Variants in ALK observed in about 807,000 individuals in gnomAD.
ALK encodes the protein ALK receptor tyrosine kinase, also known as ALK tyrosine kinase receptor.
ALK carries 74 observed loss-of-function variants against 163.1 expected under a neutral mutation model. The observed-to-expected ratio is 0.45, with a 90% confidence interval of 0.38 to 0.55. The LOEUF is 0.55. ALK is among the 20% of genes least tolerant of loss of function. The probability of loss-of-function intolerance (pLI) is 0.00; values close to 1 mark genes in which losing one functional copy is unlikely to be tolerated. For synonymous variants in ALK, 960 were observed against 843.2 expected, an observed-to-expected ratio of 1.14 and a Z score of -2.40; for missense variants, 2,063 against 2,105.3, an observed-to-expected ratio of 0.98 and a Z score of 0.39.
chr2:29,437,758 T>C (rs1670438363), intron 4 of ALK, among the ~76,000 whole-genome samples: 1 of 152,220 alleles, frequency 6.6e-6, no homozygotes, highest in Non-Finnish European at 1.5e-5. Flanking sequence ...TAACACCCTC[T>C]TACTGAGACA....
chr2:29,287,138 C>A (rs1312906227), intron 9 of ALK, among the ~76,000 whole-genome samples: 1 of 152,094 alleles, frequency 6.6e-6, no homozygotes, highest in African/African-American at 2.4e-5. Flanking sequence ...TTGTGTGCAC[C>A]ATGTATTCTA....
chr2:29,762,831 G>A (rs1414748706), intron 1 of ALK, among the ~76,000 whole-genome samples: 3 of 152,162 alleles, frequency 2.0e-5, no homozygotes, highest in Non-Finnish European at 4.4e-5. Flanking sequence ...GCTCACGACT[G>A]TAATCCCAGC....
In ALK at chr2:29,209,837, G is replaced by C. The variant is rs2148155233; in HGVS notation, c.3785C>G (p.Pro1262Arg). ...ARNCLLTCPG[P>R]GRVAKIGDFG... ...GTCTCCAATCTTGGCCACTCTTCCA[G>C]GGCCTGGACAGGTCAAGAGGCAGTT... Residue 1262 changes from proline to arginine, a missense_variant, in exon 25 of 29, where the codon CCT becomes CGT. Around this residue, in one of 5 missense-constraint regions of ALK, gnomAD observed 83 missense variants for 139.7 expected, o/e 0.59. Coordinates refer to ENST00000389048, the MANE Select transcript of ALK (RefSeq NM_004304.5). The C allele has an allele frequency of 3.1e-6, 5 of 1,614,182 alleles. No homozygotes were observed. The highest frequency in any genetic ancestry group is 4.2e-6 in the Non-Finnish European group (5 of 1,180,036).
At chr2:29,700,334 C>T (rs1006352363) in intron 2 of ALK, among the ~76,000 whole-genome samples, 2 of 152,116 alleles carry the variant, frequency 1.3e-5, no homozygotes, top group East Asian at 3.9e-4. Context: ...CACCTGAGGT[C>T]GGGAGTTGGA....
intron 15 of ALK, among the ~76,000 whole-genome samples, chr2:29,231,190 T>G (rs1471768496): frequency 6.6e-6 from 1 of 151,958 alleles, no homozygotes; most frequent in African/African-American, 2.4e-5. Context: ...ATACAAAAAT[T>G]AGCTGGGCGT....
At chr2:29,588,628 G>A (rs963729001) in intron 3 of ALK, among the ~76,000 whole-genome samples, 4 of 152,120 alleles carry the variant, frequency 2.6e-5, no homozygotes, top group African/African-American at 9.7e-5. Context: ...TTTCTATAAA[G>A]GACCAGATAG....
chr2:29,568,196 C>T (rs1297374217), intron 3 of ALK, among the ~76,000 whole-genome samples: 1 of 152,210 alleles, frequency 6.6e-6, no homozygotes, highest in Non-Finnish European at 1.5e-5. Context: ...TTCTGCCTGG[C>T]TGCGGAGCAC....
chr2:29,717,997 C>T (rs942066090), intron 1 of ALK, among the ~76,000 whole-genome samples: 5 of 152,166 alleles, frequency 3.3e-5, no homozygotes, highest in African/African-American at 1.2e-4. Flanking sequence ...GAGTTCTATC[C>T]AAAGTCTATT....
chr2:29,553,854 T>A (rs1046149764), intron 3 of ALK, among the ~76,000 whole-genome samples: 1 of 152,236 alleles, frequency 6.6e-6, no homozygotes, highest in Non-Finnish European at 1.5e-5. Context: ...GCTTCTCATC[T>A]TTTGTGAATT....
chr2:29,415,246 T>C (rs149680032), intron 4 of ALK, among the ~76,000 whole-genome samples: 84 of 151,890 alleles, frequency 5.5e-4, no homozygotes, highest in African/African-American at 2.0e-3. Flanking sequence ...GTTTTTGCTT[T>C]GTGTTAGCAA....
chr2:29,635,633 T>C (rs1006332453), intron 3 of ALK, among the ~76,000 whole-genome samples: 2 of 152,106 alleles, frequency 1.3e-5, no homozygotes, highest in African/African-American at 2.4e-5. Flanking sequence ...ATTTTATTTT[T>C]TGAGACAGAG....
chr2:29,308,601 G>A (rs1299736522), intron 8 of ALK, among the ~76,000 whole-genome samples: 2 of 152,170 alleles, frequency 1.3e-5, no homozygotes, highest in Non-Finnish European at 2.9e-5. Context: ...TGCTGTGAAC[G>A]GAACGCAAGC....
At chr2:29,329,885 C>G (rs1342684435) in intron 5 of ALK, among the ~76,000 whole-genome samples, 2 of 152,174 alleles carry the variant, frequency 1.3e-5, no homozygotes, top group East Asian at 3.8e-4. Flanking sequence ...AGTGGGAAAA[C>G]TGAGGTCAGA....
At chr2:29,454,406 G>T (rs1291059769) in intron 4 of ALK, among the ~76,000 whole-genome samples, 1 of 152,088 alleles carries the variant, frequency 6.6e-6, no homozygotes, top group South Asian at 2.1e-4. Context: ...TAGGTAAACA[G>T]CTGTGATGCT....
chr2:29,489,880 T>C (rs1370968515), intron 4 of ALK, among the ~76,000 whole-genome samples: 1 of 152,136 alleles, frequency 6.6e-6, no homozygotes, highest in East Asian at 1.9e-4. Context: ...AAGAAGCATG[T>C]CAACAAGAAA....
intron 3 of ALK, among the ~76,000 whole-genome samples, chr2:29,669,356 T>A (rs1558434035): frequency 6.6e-6 from 1 of 152,094 alleles, no homozygotes; most frequent in Non-Finnish European, 1.5e-5. Flanking sequence ...TAGTAAGTTA[T>A]TTGTCTCTTT....
intron 3 of ALK, among the ~76,000 whole-genome samples, chr2:29,588,905 C>T (rs1024879638): frequency 1.3e-5 from 2 of 152,188 alleles, no homozygotes; most frequent in African/African-American, 4.8e-5. Context: ...ATTGTAGCTG[C>T]CTTGTGCTGT....
At chr2:29,670,581 TC>T (rs1677653045) in intron 3 of ALK, among the ~76,000 whole-genome samples, 1 of 152,100 alleles carries the variant, frequency 6.6e-6, no homozygotes, top group African/African-American at 2.4e-5. Flanking sequence ...TATTATTTCT[TC>T]GAATAAACTT....
chr2:29,231,541 G>A (rs1664208389), intron 15 of ALK, among the ~76,000 whole-genome samples: 1 of 152,086 alleles, frequency 6.6e-6, no homozygotes, highest in African/African-American at 2.4e-5. Flanking sequence ...GCTGGGCCTC[G>A]GTGCTGCAAA....
Sources: allele counts gnomAD v4.1 joint callset (sites outside exome capture counted in the v4.1 genomes callset), GRCh38; gene constraint gnomAD v4.1.1; regional missense constraint gnomAD v4.1.1; transcripts MANE v1.5; gene names NCBI Gene and HGNC (gene_info 2026-07-23, HGNC 2026-07-21).